Variants in TNRC6B observed in about 807,000 individuals in gnomAD.
The protein encoded by TNRC6B is trinucleotide repeat containing adaptor 6B, also known as trinucleotide repeat-containing gene 6B protein.
In TNRC6B, 52 loss-of-function variants were observed where a neutral mutation model predicts 203.6. The observed-to-expected ratio is 0.26, with a 90% CI of 0.20 to 0.32. The LOEUF (loss-of-function observed/expected upper bound fraction) is 0.32, where lower values mean the gene tolerates loss of function less well. Ranked by LOEUF, TNRC6B falls within the 10% of genes least tolerant of loss-of-function variation. The pLI is 1.00. For missense variants in TNRC6B, 1,923 were observed against 2,286.2 expected (o/e 0.84, Z 3.24); for synonymous variants, 838 against 845.7 (o/e 0.99, Z 0.16).
chr22:40,051,591 G>T (rs1015439554), intron 1 of TNRC6B, among the ~76,000 whole-genome samples: 1 of 152,092 alleles, frequency 6.6e-6, no homozygotes, highest in Admixed American at 6.5e-5. Flanking sequence ...TATGTTTCCT[G>T]CTCCCTCCCA....
intron 1 of TNRC6B, among the ~76,000 whole-genome samples, chr22:40,054,815 G>A (rs1045456762): frequency 6.6e-6 from 1 of 151,658 alleles, no homozygotes; most frequent in African/African-American, 2.4e-5. Context: ...AGGCAGGCAG[G>A]TCACTTGAGT....
intron 11 of TNRC6B, among the ~76,000 whole-genome samples, chr22:40,284,003 A>C (rs2146526348): frequency 6.6e-6 from 1 of 152,362 alleles, no homozygotes; most frequent in Non-Finnish European, 1.5e-5. Flanking sequence ...ATCGTAGCAG[A>C]ATATCCTTGG....
intron 15 of TNRC6B, among the ~76,000 whole-genome samples, chr22:40,307,407 C>T (rs112766515): frequency 3.3e-5 from 5 of 152,304 alleles, no homozygotes; most frequent in Admixed American, 1.3e-4. Flanking sequence ...TGCCGCTCTG[C>T]GCTCCCTGTG....
intron 15 of TNRC6B, chr22:40,301,642 C>G: frequency 3.0e-6 from 1 of 338,550 alleles, no homozygotes; most frequent in Non-Finnish European, 5.4e-6. Flanking sequence ...CTCATACATG[C>G]TATAGCACAT....
rs1416757361 is a variant in TNRC6B, at chr22:40,331,528, GAC to G, written c.*8291_*8292del. On this transcript the variant is annotated 3_prime_UTR_variant, in exon 23 of 23. Transcript: ENST00000454349. ...CGATTCCTTCAGCTTCATTCAGGAA[GAC>G]ACAGGGAGGAGAGATGCTGCTTCTG... is the stretch of plus-strand genomic sequence containing the variant. 5.4e-6 allele frequency: 2 copies of G among 372,578 alleles called. No homozygotes were observed. Among genetic ancestry groups the G allele is most frequent in the African/African-American group, 4.2e-5 (2 of 48,164 alleles). 23.1% of individuals were successfully genotyped at this position (372,578 alleles called of 1,614,324 possible).
intron 12 of TNRC6B, among the ~76,000 whole-genome samples, chr22:40,298,200 A>G (rs1476099365): frequency 6.6e-6 from 1 of 152,186 alleles, no homozygotes; most frequent in African/African-American, 2.4e-5. Context: ...TAAATATTAC[A>G]TGAGGGAACA....
rs148312433 is a variant in TNRC6B, at chr22:40,178,103, T to C, written c.-33T>C. 48 of 1,611,330 alleles carry C rather than the reference T, an allele frequency of 3.0e-5. 3 individuals carry two copies. The East Asian group carries it at 6.5e-4, about 22-fold the overall frequency. On this transcript the variant is annotated 5_prime_UTR_variant, in exon 1 of 23. Coordinates refer to ENST00000454349, the MANE Select transcript of TNRC6B (RefSeq NM_001162501.2). ...CATTTCCATTTCTACCTTGTATGCC[T>C]CAATTTGCTGGATTTAAGCACTGCT...
chr22:40,075,152 A>ATTTT (rs2067996470), intron 1 of TNRC6B, among the ~76,000 whole-genome samples: 2 of 65,190 alleles, frequency 3.1e-5, no homozygotes, highest in African/African-American at 2.3e-4. Flanking sequence ...ATATATATAT[A>ATTTT]TATATTTTTT....
intron 1 of TNRC6B, among the ~76,000 whole-genome samples, chr22:40,198,805 A>G (rs2069372723): frequency 6.6e-6 from 1 of 152,158 alleles, no homozygotes; most frequent in South Asian, 2.1e-4. Context: ...TTATATGCAT[A>G]TGTGTGTGCA....
At chr22:40,209,011 A>G (rs1165472753) in intron 1 of TNRC6B, among the ~76,000 whole-genome samples, 2 of 152,214 alleles carry the variant, frequency 1.3e-5, no homozygotes, top group South Asian at 2.1e-4. Context: ...AGCACCGTCA[A>G]CATTTTTATC....
At chr22:40,201,754 G>A (rs1601879466) in intron 1 of TNRC6B, among the ~76,000 whole-genome samples, 1 of 151,910 alleles carries the variant, frequency 6.6e-6, no homozygotes, top group Admixed American at 6.6e-5. Context: ...TGAGAATCCC[G>A]AATCTGAAAA....
At chr22:40,046,368 A>G (rs1286881023) in intron 1 of TNRC6B, among the ~76,000 whole-genome samples, 1 of 152,234 alleles carries the variant, frequency 6.6e-6, no homozygotes, top group Non-Finnish European at 1.5e-5. Context: ...GCCCACTTGC[A>G]CGAAGGCACA....
intron 3 of TNRC6B, among the ~76,000 whole-genome samples, chr22:40,129,883 T>G (rs949978849): frequency 1.3e-5 from 2 of 152,212 alleles, no homozygotes; most frequent in Admixed American, 6.5e-5. Flanking sequence ...TTTATTTGTA[T>G]TTACTTTGTA....
chr22:40,088,584 T>TTTTGTGTG (rs762534815), intron 1 of TNRC6B, among the ~76,000 whole-genome samples: 15 of 125,136 alleles, frequency 1.2e-4, no homozygotes, highest in African/African-American at 4.0e-4. Flanking sequence ...GCGGCTACTT[T>TTTTGTGTG]TGTGTGTGTG....
rs530871181 is a variant in TNRC6B, at chr22:40,257,090, C to G, written c.116-4742C>G. 2.0e-5 allele frequency among the ~76,000 whole-genome samples: 3 copies of G among 152,286 alleles called. 1 individual carries two copies. In the South Asian group the frequency reaches 6.2e-4, roughly 32 times the overall value. On this transcript the variant is annotated intron_variant, in intron 3 of 22. Transcript: ENST00000454349. ...TGCATGTCATCAGATTTAAAATGTT[C>G]AGCCTAGAATATCTTTTCTAGGCCT...
intron 1 of TNRC6B, among the ~76,000 whole-genome samples, chr22:40,070,780 T>G (rs968007809): frequency 3.3e-5 from 5 of 152,302 alleles, no homozygotes; most frequent in African/African-American, 1.2e-4. Context: ...GCTCAGATTT[T>G]TTTTTTTTTG....
chr22:40,125,732 C>G (rs752268823), intron 2 of TNRC6B: 57 of 1,504,984 alleles, frequency 3.8e-5, no homozygotes, highest in Non-Finnish European at 5.0e-5. Flanking sequence ...TTTTTTTGCC[C>G]TGAATTCCTT....
At chr22:40,238,470 C>T (rs760759935) in intron 1 of TNRC6B, among the ~76,000 whole-genome samples, 3 of 152,158 alleles carry the variant, frequency 2.0e-5, no homozygotes, top group South Asian at 4.1e-4. Context: ...GAGATCCCCC[C>T]GCCCCCAACC....
intron 4 of TNRC6B, among the ~76,000 whole-genome samples, chr22:40,169,111 G>A (rs1158226751): frequency 6.7e-6 from 1 of 149,762 alleles, no homozygotes; most frequent in Non-Finnish European, 1.5e-5. Flanking sequence ...TGAATGGTGA[G>A]TCCAGAGTTT....
Sources: allele counts gnomAD v4.1 joint callset (sites outside exome capture counted in the v4.1 genomes callset), GRCh38; gene constraint gnomAD v4.1.1; transcripts MANE v1.5; gene names NCBI Gene and HGNC (gene_info 2026-07-23, HGNC 2026-07-21).